ABTB3: variants seen among roughly 807,000 people sequenced by gnomAD.
The protein encoded by ABTB3 is ankyrin repeat- and BTB/POZ domain-containing protein 3.
the ABTB3 span, among the ~76,000 whole-genome samples, chr12:107,645,034 G>A: frequency 2.1e-5 from 3 of 145,984 alleles, no homozygotes; most frequent in African/African-American, 5.2e-5. Flanking sequence ...GTGCAATGGC[G>A]CAATCTCGGC....
chr12:107,448,641 C>T, the ABTB3 span, among the ~76,000 whole-genome samples: 2,294 of 147,594 alleles, frequency 0.016, 27 homozygotes, highest in Non-Finnish European at 0.021. Flanking sequence ...TTCTTTCTTT[C>T]TTTCTTTTTT....
the ABTB3 span, among the ~76,000 whole-genome samples, chr12:107,387,221 AC>A: frequency 4.6e-5 from 7 of 151,616 alleles, no homozygotes; most frequent in Admixed American, 1.3e-4. Context: ...CAGGTGATCC[AC>A]CCGCCTCAGC....
the ABTB3 span, among the ~76,000 whole-genome samples, chr12:107,402,880 C>T: frequency 6.6e-6 from 1 of 152,206 alleles, no homozygotes; most frequent in African/African-American, 2.4e-5. Context: ...CAACTATTTC[C>T]AGGATAGTGA....
the ABTB3 span, among the ~76,000 whole-genome samples, chr12:107,360,263 AAG>A: frequency 6.6e-6 from 1 of 152,142 alleles, no homozygotes; most frequent in African/African-American, 2.4e-5. Flanking sequence ...GTCCATCAGA[AAG>A]AGATAGTAAG....
chr12:107,345,360 G>C, the ABTB3 span, among the ~76,000 whole-genome samples: 5 of 152,176 alleles, frequency 3.3e-5, no homozygotes, highest in African/African-American at 1.2e-4. Context: ...TCTCTATGAA[G>C]GGAGAGTTTT....
the ABTB3 span, chr12:107,657,535 A>G: frequency 1.9e-6 from 3 of 1,614,094 alleles, no homozygotes; most frequent in African/African-American, 4.0e-5. Context: ...AGCTCTCAGC[A>G]TATTGCGAAG....
chr12:107,565,126 G>A, the ABTB3 span, among the ~76,000 whole-genome samples: 1 of 152,222 alleles, frequency 6.6e-6, no homozygotes, highest in African/African-American at 2.4e-5. Context: ...GGAAACAGGA[G>A]AACAGGTGCA....
chr12:107,453,158 C>G, the ABTB3 span, among the ~76,000 whole-genome samples: 7 of 152,096 alleles, frequency 4.6e-5, no homozygotes, highest in Admixed American at 4.6e-4. Flanking sequence ...GCCAGGCTGG[C>G]TGGATAATCA....
the ABTB3 span, among the ~76,000 whole-genome samples, chr12:107,573,518 A>ATGG: frequency 1.3e-5 from 2 of 152,068 alleles, no homozygotes; most frequent in Non-Finnish European, 2.9e-5. Flanking sequence ...GGATAGATGG[A>ATGG]ACAGATGGTG....
chr12:107,326,986 T>A, the ABTB3 span, among the ~76,000 whole-genome samples: 1 of 152,034 alleles, frequency 6.6e-6, no homozygotes, highest in African/African-American at 2.4e-5. Flanking sequence ...GGTGGGAGGA[T>A]TTTCTTTGTT....
the ABTB3 span, among the ~76,000 whole-genome samples, chr12:107,486,834 G>A: frequency 6.6e-6 from 1 of 151,404 alleles, no homozygotes; most frequent in Non-Finnish European, 1.5e-5. Flanking sequence ...AACCATCACA[G>A]CAACCCTAAG....
chr12:107,342,263 G>T, the ABTB3 span, among the ~76,000 whole-genome samples: 1 of 151,968 alleles, frequency 6.6e-6, no homozygotes, highest in Non-Finnish European at 1.5e-5. Flanking sequence ...TTGGGGGGAG[G>T]GGGTGGTGGA....
chr12:107,579,901 T>C, the ABTB3 span, among the ~76,000 whole-genome samples: 6 of 152,266 alleles, frequency 3.9e-5, no homozygotes, highest in Non-Finnish European at 7.3e-5. Flanking sequence ...TTGGCCCACC[T>C]AAATCAGAAT....
the ABTB3 span, among the ~76,000 whole-genome samples, chr12:107,377,520 G>A: frequency 2.0e-5 from 3 of 151,952 alleles, no homozygotes; most frequent in Admixed American, 6.6e-5. Context: ...ACTTGCCTCA[G>A]GGACATCTCC....
At chr12:107,607,857 G>A in the ABTB3 span, among the ~76,000 whole-genome samples, 2 of 152,150 alleles carry the variant, frequency 1.3e-5, no homozygotes, top group Non-Finnish European at 2.9e-5. Context: ...CACACACGTC[G>A]CATCCACTTC....
At chr12:107,377,518 C>A in the ABTB3 span, among the ~76,000 whole-genome samples, 5 of 152,034 alleles carry the variant, frequency 3.3e-5, no homozygotes, top group Non-Finnish European at 5.9e-5. Flanking sequence ...CAACTTGCCT[C>A]AGGGACATCT....
chr12:107,625,684 C>T, the ABTB3 span, among the ~76,000 whole-genome samples: 1 of 152,028 alleles, frequency 6.6e-6, no homozygotes, highest in Non-Finnish European at 1.5e-5. Context: ...CATCCTCTAA[C>T]ACCACCCCAG....
chr12:107,477,320 G>A, the ABTB3 span, among the ~76,000 whole-genome samples: 1 of 152,146 alleles, frequency 6.6e-6, no homozygotes, highest in Non-Finnish European at 1.5e-5. Context: ...CAAACAAAAG[G>A]CGGACTACCA....
At chr12:107,526,091 G>T in the ABTB3 span, among the ~76,000 whole-genome samples, 1 of 152,106 alleles carries the variant, frequency 6.6e-6, no homozygotes, top group Non-Finnish European at 1.5e-5. Flanking sequence ...AATAATGAAT[G>T]ACCTAAAGTG....
Sources: allele counts gnomAD v4.1 joint callset (sites outside exome capture counted in the v4.1 genomes callset), GRCh38; gene constraint gnomAD v4.1.1; transcripts MANE v1.5; gene names NCBI Gene and HGNC (gene_info 2026-07-23, HGNC 2026-07-21).